GFRA2: variants seen among roughly 807,000 people sequenced by gnomAD.
GFRA2 encodes GDNF family receptor alpha-2.
GFRA2 carries 17 observed loss-of-function variants against 48.3 expected under a neutral mutation model. That is an observed-to-expected ratio of 0.35 (90% CI 0.24 to 0.53). The LOEUF is 0.53. Ranked by LOEUF, GFRA2 falls within the 20% of genes least tolerant of loss-of-function variation. The probability of loss-of-function intolerance (pLI) is 0.93; values close to 1 mark genes in which losing one functional copy is unlikely to be tolerated. For missense variants in GFRA2, 660 were observed against 637.3 expected, an observed-to-expected ratio of 1.04 and a Z score of -0.38; for synonymous variants, 305 against 257.2, an observed-to-expected ratio of 1.19 and a Z score of -1.78.
intron 1 of GFRA2, among the ~76,000 whole-genome samples, chr8:21,805,666 T>C (rs965675437): frequency 2.0e-5 from 3 of 152,198 alleles, no homozygotes; most frequent in Non-Finnish European, 2.9e-5. Context: ...TGGCCCAAGC[T>C]TCCAGAGCCC....
chr8:21,771,533 C>G (rs989572287), intron 3 of GFRA2, among the ~76,000 whole-genome samples: 3 of 152,188 alleles, frequency 2.0e-5, no homozygotes, highest in African/African-American at 7.2e-5. Context: ...AGGGAAGAAG[C>G]TGCCCTTCCC....
intron 5 of GFRA2, 121 bp from the exon 6 acceptor site, chr8:21,705,246 C>A: frequency 1.1e-6 from 1 of 899,608 alleles, no homozygotes; most frequent in Non-Finnish European, 1.7e-6. Flanking sequence ...GACCTGGCCC[C>A]AAAACACACA....
chr8:21,807,219 G>A (rs1807889049), intron 1 of GFRA2, among the ~76,000 whole-genome samples: 1 of 152,182 alleles, frequency 6.6e-6, no homozygotes, highest in Admixed American at 6.5e-5. Flanking sequence ...ATGGATTAAT[G>A]TCATTATTGA....
chr8:21,741,143 A>G (rs1804725815), intron 4 of GFRA2, among the ~76,000 whole-genome samples: 1 of 151,952 alleles, frequency 6.6e-6, no homozygotes, highest in Non-Finnish European at 1.5e-5. Context: ...CTCCTTTCCA[A>G]CTGTACTCAG....
chr8:21,811,406 T>A (rs28437891), intron 1 of GFRA2, among the ~76,000 whole-genome samples: 2,930 of 152,042 alleles, frequency 0.019, 75 homozygotes, highest in African/African-American at 0.066. Context: ...TCGGGATGGG[T>A]TTTCCCAGGC....
intron 4 of GFRA2, among the ~76,000 whole-genome samples, chr8:21,745,578 G>A (rs1439437319): frequency 6.6e-6 from 1 of 152,182 alleles, no homozygotes; most frequent in Non-Finnish European, 1.5e-5. Context: ...TTCCACCTGC[G>A]GTCAGAAACC....
At chr8:21,809,563 G>T (rs1245529831) in intron 1 of GFRA2, among the ~76,000 whole-genome samples, 5 of 152,048 alleles carry the variant, frequency 3.3e-5, no homozygotes, top group Admixed American at 3.3e-4. Context: ...TCCTGACCTC[G>T]TGATCCGCCC....
At chr8:21,720,876 G>A (rs763186346) in intron 4 of GFRA2, among the ~76,000 whole-genome samples, 8 of 152,048 alleles carry the variant, frequency 5.3e-5, no homozygotes, top group African/African-American at 1.7e-4. Flanking sequence ...ATTAAGCTAT[G>A]AGTTCCTTCA....
intron 4 of GFRA2, among the ~76,000 whole-genome samples, chr8:21,711,805 T>G (rs554615502): frequency 3.9e-5 from 6 of 152,056 alleles, no homozygotes; most frequent in African/African-American, 9.7e-5. Flanking sequence ...GGTCTCTGGT[T>G]TTCCTAGGCA....
intron 2 of GFRA2, among the ~76,000 whole-genome samples, chr8:21,799,309 C>T (rs1326310276): frequency 1.3e-5 from 2 of 151,842 alleles, no homozygotes; most frequent in Non-Finnish European, 2.9e-5. Context: ...GCTCCGCCTC[C>T]TGGGTTCACG....
intron 2 of GFRA2, among the ~76,000 whole-genome samples, chr8:21,776,683 CTGGT>C (rs1457691618): frequency 6.6e-6 from 1 of 152,064 alleles, no homozygotes; most frequent in Non-Finnish European, 1.5e-5. Flanking sequence ...GTTGGCCAGG[CTGGT>C]CTCAAACTCC....
intron 1 of GFRA2, among the ~76,000 whole-genome samples, chr8:21,805,999 G>C (rs1170214967): frequency 3.3e-5 from 5 of 152,334 alleles, no homozygotes; most frequent in South Asian, 2.1e-4. Context: ...ACCTGAAGCT[G>C]AGTCCCAAGG....
At chr8:21,746,344 A>AT (rs1194183650) in intron 4 of GFRA2, among the ~76,000 whole-genome samples, 1 of 152,166 alleles carries the variant, frequency 6.6e-6, no homozygotes, top group Admixed American at 6.5e-5. Flanking sequence ...ACTCTTCCTA[A>AT]TGCAGGTTCC....
Position 21,705,071 on chromosome 8 carries a change from G to A in GFRA2, c.959C>T (p.Ser320Phe). The change falls in exon 6 of 9, where the codon TCC (serine) becomes TTC (phenylalanine). Residue 320 changes from serine (S) to phenylalanine (F), a missense_variant. Physicochemically the swap from Ser to Phe is radical, Grantham distance 155. Coordinates refer to ENST00000524240, the MANE Select transcript of GFRA2 (RefSeq NM_001495.5). ...GCTGCCACGACAGCTGCACCAGGGGGACACCACGATGCCAGTGGGGCTGGA... is the reference window on the plus strand; with the variant it reads ...GCTGCCACGACAGCTGCACCAGGGGAACACCACGATGCCAGTGGGGCTGGA... ...VDSSPTGIVV[S>F]PWCSCRGSGN... 6.2e-7 allele frequency: 1 copy of A among 1,611,136 alleles called. No homozygotes were observed. Among genetic ancestry groups the A allele is most frequent in the Non-Finnish European group, 8.5e-7 (1 of 1,179,036 alleles).
chr8:21,697,425 T>C (rs1238824177), intron 7 of GFRA2, among the ~76,000 whole-genome samples: 2 of 151,930 alleles, frequency 1.3e-5, no homozygotes, highest in Non-Finnish European at 2.9e-5. Flanking sequence ...CCCTGGGCCA[T>C]CCCAAGGGAC....
chr8:21,798,955 A>G (rs1393434585), intron 2 of GFRA2, among the ~76,000 whole-genome samples: 2 of 152,208 alleles, frequency 1.3e-5, no homozygotes, highest in East Asian at 1.9e-4. Context: ...CTGTTCGAAC[A>G]TGACCTACAT....
Position 21,693,183 on chromosome 8 carries a change from C to G in GFRA2, c.*95G>C, listed in dbSNP as rs879248771. 1 of 1,182,114 alleles carries G rather than the reference C, an allele frequency of 8.5e-7. No individual in the cohort carries two copies. Among genetic ancestry groups the G allele is most frequent in the South Asian group, 2.4e-5 (1 of 41,984 alleles). The allele number at this position is 1,182,114 out of a possible 1,614,324, so 73.2% of individuals were successfully genotyped here. On this transcript the variant is annotated 3_prime_UTR_variant, in exon 9 of 9. Coordinates refer to ENST00000524240, the MANE Select transcript of GFRA2 (RefSeq NM_001495.5). Reference sequence around the variant, plus strand: ...GGTGGGAAAAACAATTTTTTTTTTGCAAGGTGTGTGTGTGTCTGTGTGTGT... The same window carrying G: ...GGTGGGAAAAACAATTTTTTTTTTGGAAGGTGTGTGTGTGTCTGTGTGTGT...
rs1338101835 is a variant in GFRA2, at chr8:21,694,077, T to TATATATATATATATATATATATATATA, written c.1272+386_1272+387insTATATATATATATATATATATATATAT. Among the ~76,000 whole-genome samples the TATATATATATATATATATATATATATA allele has an allele frequency of 9.1e-3, 991 of 108,814 alleles. 98 individuals are homozygous for TATATATATATATATATATATATATATA. Among genetic ancestry groups the TATATATATATATATATATATATATATA allele is most frequent in the Non-Finnish European group, 0.014 (687 of 49,904 alleles). 71.4% of individuals were successfully genotyped at this position (108,814 alleles called of 152,430 possible). Reference sequence around the variant, plus strand: ...TATTTATATATATATTTATTTATTTTTATATATATATATATTTCCTATAGT... The same window carrying TATATATATATATATATATATATATATA: ...TATTTATATATATATTTATTTATTTTATATATATATATATATATATATATATATATATATATATATATTTCCTATAGT... On this transcript the variant is annotated intron_variant, in intron 8 of 8. Transcript: ENST00000524240.
At chr8:21,806,370 T>C (rs1348077947) in intron 1 of GFRA2, among the ~76,000 whole-genome samples, 7 of 152,270 alleles carry the variant, frequency 4.6e-5, no homozygotes, top group Non-Finnish European at 1.0e-4. Flanking sequence ...ATAGGCTTTA[T>C]GTTAGATAAC....
Sources: gnomAD v4.1 joint callset for allele counts (sites outside exome capture counted in the v4.1 genomes callset) on GRCh38, gnomAD v4.1.1 for gene constraint, MANE v1.5 for transcripts, NCBI Gene and HGNC (gene_info 2026-07-23, HGNC 2026-07-21) for gene names.